The following MDN1 variants were observed in gnomAD, a reference collection of about 807,000 sequenced individuals.
MDN1 encodes the protein midasin.
MDN1 carries 266 observed loss-of-function variants against 669.2 expected under a neutral mutation model. The observed-to-expected ratio is 0.40, with a 90% CI of 0.36 to 0.44. MDN1 has a LOEUF of 0.44. Ranked by LOEUF, MDN1 falls within the 20% of genes least tolerant of loss-of-function variation. The pLI is 1.00. For missense variants in MDN1, 5,940 were observed against 6,754.0 expected, an observed-to-expected ratio of 0.88 and a Z score of 4.22; for synonymous variants, 2,385 against 2,457.1, an observed-to-expected ratio of 0.97 and a Z score of 0.87.
intron 56 of MDN1, 44 bp from the exon 57 acceptor site, chr6:89,700,338 A>ATAT: frequency 6.8e-7 from 1 of 1,472,698 alleles, no homozygotes; most frequent in Non-Finnish European, 9.5e-7. Context: ...AATGGTTAAG[A>ATAT]GTATAGCCTC....
At chr6:89,807,497 G>A (rs922613017) in intron 1 of MDN1, among the ~76,000 whole-genome samples, 1 of 151,946 alleles carries the variant, frequency 6.6e-6, no homozygotes, top group Non-Finnish European at 1.5e-5. Context: ...CTTTTTTTCT[G>A]GCAATTTTTA....
At chr6:89,670,424 C>T (rs1007999497) in intron 83 of MDN1, among the ~76,000 whole-genome samples, 7 of 151,588 alleles carry the variant, frequency 4.6e-5, no homozygotes, top group African/African-American at 9.7e-5. Context: ...GTGATCCACC[C>T]GCCTCAGCCT....
chr6:89,729,045 C>T lies in MDN1; in HGVS notation c.5235G>A (p.Leu1745=). The T allele has an allele frequency of 1.2e-6, 2 of 1,614,118 alleles. No homozygotes were observed. Among genetic ancestry groups the T allele is most frequent in the Non-Finnish European group, 1.7e-6 (2 of 1,180,008 alleles). The change falls in exon 36 of 102, where the codon CTG becomes CTA. Residue 1745 remains leucine, a synonymous_variant. Coordinates refer to ENST00000369393, the MANE Select transcript of MDN1 (RefSeq NM_014611.3). ...AACCCTCCAGGAGAATGGGCTTCTT[C>T]AGTTTGGTAGCTCTTAAGAGCCTCT... ...NAQRLLRATK[L]KKPILLEGSP...
intron 15 of MDN1, among the ~76,000 whole-genome samples, chr6:89,768,233 C>T (rs1364469934): frequency 6.6e-6 from 1 of 151,974 alleles, no homozygotes; most frequent in Non-Finnish European, 1.5e-5. Flanking sequence ...AATTGTAGCT[C>T]CAATTCCCAC....
intron 88 of MDN1, among the ~76,000 whole-genome samples, chr6:89,660,925 A>G (rs1368729472): frequency 3.9e-5 from 6 of 152,202 alleles, no homozygotes; most frequent in Non-Finnish European, 8.8e-5. Context: ...TAAAGGATTC[A>G]CTAGGGTTGA....
At chr6:89,734,986 G>A (rs1815862960) in intron 33 of MDN1, among the ~76,000 whole-genome samples, 1 of 151,780 alleles carries the variant, frequency 6.6e-6, no homozygotes, top group South Asian at 2.1e-4. Context: ...CACCTCTCGG[G>A]TTCAAGCGAT....
chr6:89,740,646 ATAAAT>A (rs752575576), intron 31 of MDN1, among the ~76,000 whole-genome samples: 16 of 152,248 alleles, frequency 1.1e-4, no homozygotes, highest in Non-Finnish European at 1.8e-4. Context: ...AAGAAAACAA[ATAAAT>A]TGCATGCATT....
At chr6:89,775,820 G>T (rs1350766033) in intron 12 of MDN1, among the ~76,000 whole-genome samples, 2 of 151,930 alleles carry the variant, frequency 1.3e-5, no homozygotes, top group Admixed American at 6.6e-5. Flanking sequence ...CGAGTAGCTG[G>T]GATTACAGGC....
rs753248516 is a variant in MDN1 at position 89,680,596 on chromosome 6, C to A, written c.12258G>T (p.Gln4086His). ...PLPRLVEGLD[Q>H]FTGEVISSVS... ...TTGGATGCTGGCACCCACCTGTGAACTGATCAAGGCCCTCCACAAGGCGAG... is the reference window on the plus strand; with the variant it reads ...TTGGATGCTGGCACCCACCTGTGAAATGATCAAGGCCCTCCACAAGGCGAG... The change falls in exon 74 of 102, where the codon CAG becomes CAT. Residue 4086 changes from glutamine (Q) to histidine (H), a missense_variant. Physicochemically the swap from Gln to His is conservative, Grantham distance 24. This residue lies in a region of MDN1 where 2,280 missense variants were observed against 2,576.3 expected (regional missense o/e 0.88). Coordinates refer to ENST00000369393, the MANE Select transcript of MDN1 (RefSeq NM_014611.3). 4.3e-6 allele frequency: 7 copies of A among 1,613,974 alleles called. No individual in the cohort carries two copies. The highest frequency in any genetic ancestry group is 5.9e-6 in the Non-Finnish European group (7 of 1,179,936).
At chr6:89,687,510 C>G (rs1812097551) in intron 67 of MDN1, 72 bp from the exon 68 acceptor site, 2 of 1,381,620 alleles carry the variant, frequency 1.4e-6, no homozygotes, top group Non-Finnish European at 2.0e-6. Flanking sequence ...TCAAGAACAT[C>G]TTGAACTTTG....
chr6:89,753,089 T>C lies in MDN1; in HGVS notation c.3075+423A>G, dbSNP rs141354982. 6.9e-3 allele frequency among the ~76,000 whole-genome samples: 1,049 copies of C among 152,012 alleles called. 16 individuals are homozygous for C. The highest frequency in any genetic ancestry group is 0.024 in the African/African-American group (1,010 of 41,462). On this transcript the variant is annotated intron_variant, in intron 22 of 101. Transcript: ENST00000369393. ...CGTGAGCTGAGATTACACTACTGCA[T>C]TCCAGCCTGGGCAACAGAGCAAGAC... is the stretch of plus-strand genomic sequence containing the variant.
At chr6:89,794,440 A>G in intron 3 of MDN1, 137 bp downstream of exon 3, 1 of 818,670 alleles carries the variant, frequency 1.2e-6, no homozygotes, top group South Asian at 1.8e-5. Context: ...TAAAGAAAGG[A>G]AGTAAAACCC....
chr6:89,753,586 C>T lies in MDN1; in HGVS notation c.3001G>A (p.Ala1001Thr), dbSNP rs1401186408. The change falls in exon 22 of 102, where the codon GCA (alanine) becomes ACA (threonine). Residue 1001 changes from alanine to threonine, a missense_variant. By Grantham distance (58) the Ala-to-Thr change is moderately conservative. Coordinates refer to ENST00000369393, the MANE Select transcript of MDN1 (RefSeq NM_014611.3). The stretch of plus-strand genomic sequence containing the variant: ...AGCTTCTGAACTATTGGGTGTGATG[C>T]CCTGTCAAGCTGTGTTAAGAAACCC... ...CLGFLTQLDR[A>T]SHPIVQKLIC... 6.2e-7 allele frequency: 1 copy of T among 1,613,646 alleles called. No individual in the cohort carries two copies. Among genetic ancestry groups the T allele is most frequent in the Non-Finnish European group, 8.5e-7 (1 of 1,179,716 alleles).
intron 1 of MDN1, chr6:89,815,190 CT>C: frequency 2.6e-6 from 1 of 388,762 alleles, no homozygotes; most frequent in Admixed American, 3.5e-5. Flanking sequence ...TGCCTACCCT[CT>C]ACGGCAGTGG....
intron 18 of MDN1, 130 bp downstream of exon 18, chr6:89,758,686 A>G (rs947551319): frequency 8.2e-6 from 8 of 975,088 alleles, no homozygotes; most frequent in Non-Finnish European, 1.2e-5. Flanking sequence ...CAGAAAATTA[A>G]TATCTAAAGA....
intron 20 of MDN1, among the ~76,000 whole-genome samples, chr6:89,754,569 C>T (rs1347689129): frequency 6.6e-6 from 1 of 152,146 alleles, no homozygotes; most frequent in African/African-American, 2.4e-5. Context: ...AGTTCCTATG[C>T]AATCAAAAAT....
rs764023814 is a variant in MDN1, at chr6:89,700,635, G to C, written c.8638+11C>G. The C allele has an allele frequency of 6.2e-7, 1 of 1,612,234 alleles. No individual in the cohort carries two copies. Among genetic ancestry groups the C allele is most frequent in the Non-Finnish European group, 8.5e-7 (1 of 1,178,322 alleles). ...GCATCTGTCAGCTAGCCAAGTGCTA[G>C]AATATTTTACCTAGGCTGACATCTT... is the stretch of plus-strand genomic sequence containing the variant. On this transcript the variant is annotated intron_variant, in intron 56 of 101. Transcript: ENST00000369393.
intron 5 of MDN1, among the ~76,000 whole-genome samples, chr6:89,790,857 C>T (rs1338461328): frequency 1.3e-5 from 2 of 152,156 alleles, no homozygotes; most frequent in Non-Finnish European, 1.5e-5. Context: ...ACCATCTCTA[C>T]TGAAATTACA....
chr6:89,727,976 GA>G (rs1315604587), intron 36 of MDN1, 21 bp from the exon 37 acceptor site: 2 of 1,586,414 alleles, frequency 1.3e-6, no homozygotes, highest in Middle Eastern at 1.7e-4. Context: ...GGAAGAAATG[GA>G]AAGAAGCCAT....
Sources: gnomAD v4.1 joint callset for allele counts (sites outside exome capture counted in the v4.1 genomes callset) on GRCh38, gnomAD v4.1.1 for gene constraint, gnomAD v4.1.1 regional missense constraint, MANE v1.5 for transcripts, NCBI Gene and HGNC (gene_info 2026-07-23, HGNC 2026-07-21) for gene names.